The following MTAP variants were observed in gnomAD, a reference collection of about 807,000 sequenced individuals.
The protein encoded by MTAP is S-methyl-5'-thioadenosine phosphorylase.
MTAP carries 33 observed loss-of-function variants against 33.6 expected under a neutral mutation model. The ratio of observed to expected loss-of-function variants is 0.98; its 90% confidence interval spans 0.74 to 1.31. The LOEUF is 1.31. Ranked by LOEUF, MTAP falls within the 40% of genes most tolerant of loss-of-function variation. The pLI is 0.00. For synonymous variants in MTAP, 148 were observed against 125.7 expected (o/e 1.18, Z -1.19); for missense variants, 367 against 360.0 (o/e 1.02, Z -0.16).
chr9:21,810,169 A>G (rs954683426), intron 1 of MTAP, among the ~76,000 whole-genome samples: 1 of 152,198 alleles, frequency 6.6e-6, no homozygotes, highest in Non-Finnish European at 1.5e-5. Context: ...GGAGGTTAGA[A>G]GTCCAAGATC....
At chr9:21,933,390 T>G (rs1234146046), downstream of MTAP, 1 of 152,222 alleles carries the variant, frequency 6.6e-6, no homozygotes, top group East Asian at 1.9e-4. Flanking sequence ...CACCAGACAC[T>G]CTTAACCAAT....
chr9:21,816,259 C>T (rs1824472098), intron 2 of MTAP, among the ~76,000 whole-genome samples: 1 of 152,184 alleles, frequency 6.6e-6, no homozygotes, highest in South Asian at 2.1e-4. Flanking sequence ...GTCTTTCCAG[C>T]CTTTGTTACC....
At chr9:21,917,037 G>T (rs370029079) in intron 1 of MTAP, among the ~76,000 whole-genome samples, 3 of 152,330 alleles carry the variant, frequency 2.0e-5, no homozygotes, top group African/African-American at 7.2e-5. Flanking sequence ...TTTACCAAAG[G>T]ATTGAATGTA....
intron 4 of MTAP, among the ~76,000 whole-genome samples, chr9:21,820,287 A>G (rs922914583): frequency 6.6e-6 from 1 of 152,198 alleles, no homozygotes; most frequent in Non-Finnish European, 1.5e-5. Context: ...TCTAACATTT[A>G]AGTCTTTAAT....
chr9:21,805,912 C>T (rs1824196036), intron 1 of MTAP, among the ~76,000 whole-genome samples: 1 of 152,082 alleles, frequency 6.6e-6, no homozygotes, highest in Non-Finnish European at 1.5e-5. Context: ...AAGTGAAGAC[C>T]TGAGGAGAGA....
chr9:21,937,482 C>A lies in MTAP; in HGVS notation c.*6283C>A, dbSNP rs1481032158. The stretch of plus-strand genomic sequence containing the variant: ...TGAAAAATTTTCCTTTCCCTTGTAA[C>A]TAATCGGCCTACAAAATGAAGATTT... On this transcript the variant is annotated 3_prime_UTR_variant, in exon 8 of 8. Transcript: ENST00000580900. The A allele has an allele frequency of 2.0e-5, 3 of 152,126 alleles. No individual in the cohort carries two copies. The East Asian group carries it at 5.8e-4, about 29-fold the overall frequency. 9.4% of individuals were successfully genotyped at this position (152,126 alleles called of 1,614,324 possible).
chr9:21,909,222 T>A (rs1231722531), intron 1 of MTAP, among the ~76,000 whole-genome samples: 2 of 152,118 alleles, frequency 1.3e-5, no homozygotes, highest in Non-Finnish European at 2.9e-5. Context: ...TCCCTTCAGT[T>A]CTGAAGTATA....
Position 21,915,008 on chromosome 9 carries a change from C to T in MTAP, c.148-16000C>T, listed in dbSNP as rs1034178192. ...ATCAATACTTTGTTTTCTTTCCTTC[C>T]TTCCTTCCTTCCTTCCTTCCTTCCT... is the stretch of plus-strand genomic sequence containing the variant. On this transcript the variant is annotated intron_variant, in intron 1 of 1. Transcript: ENST00000577563. 8.4e-3 allele frequency among the ~76,000 whole-genome samples: 205 copies of T among 24,496 alleles called. 4 individuals carry two copies. The East Asian group carries it at 0.11, about 13-fold the overall frequency. 16.1% of individuals were successfully genotyped at this position (24,496 alleles called of 152,430 possible). A position where few individuals can be genotyped will look rare whatever the true frequency, so the allele number is the denominator to read the frequency against.
At chr9:21,890,258 C>T (rs890262022) in intron 1 of MTAP, among the ~76,000 whole-genome samples, 2 of 152,126 alleles carry the variant, frequency 1.3e-5, no homozygotes, top group South Asian at 2.1e-4. Context: ...CCAGTTCCCA[C>T]GCAGCCAGCA....
chr9:21,816,794 G>A (rs376568185), intron 3 of MTAP, 22 bp downstream of exon 3: 4 of 1,582,202 alleles, frequency 2.5e-6, no homozygotes, highest in Admixed American at 3.5e-5. Context: ...TAAGCTTTTT[G>A]GATGTTACTA....
downstream of MTAP, among the ~76,000 whole-genome samples, chr9:21,868,072 G>C (rs573375465): frequency 1.3e-5 from 2 of 152,240 alleles, no homozygotes; most frequent in African/African-American, 4.8e-5. Flanking sequence ...TTTCCAGAAA[G>C]GTTCTGGAAA....
chr9:21,807,896 AC>A (rs1824247793), intron 1 of MTAP, among the ~76,000 whole-genome samples: 1 of 152,234 alleles, frequency 6.6e-6, no homozygotes, highest in Admixed American at 6.5e-5. Context: ...CCCTATAGGT[AC>A]AGCTGAGGAA....
chr9:21,827,878 G>C (rs1824862497), intron 4 of MTAP, among the ~76,000 whole-genome samples: 1 of 152,190 alleles, frequency 6.6e-6, no homozygotes, highest in African/African-American at 2.4e-5. Context: ...GCTAAATAGA[G>C]TGGAATACAA....
intron 5 of MTAP, among the ~76,000 whole-genome samples, chr9:21,846,595 G>C (rs1189302770): frequency 6.6e-6 from 1 of 152,148 alleles, no homozygotes; most frequent in African/African-American, 2.4e-5. Flanking sequence ...AATAGATATT[G>C]GTGTAGATGT....
intron 1 of MTAP, among the ~76,000 whole-genome samples, chr9:21,891,073 A>G (rs1476514656): frequency 6.6e-6 from 1 of 152,176 alleles, no homozygotes; most frequent in African/African-American, 2.4e-5. Context: ...CATAATTGAA[A>G]GAAGGTTATC....
intron 1 of MTAP, among the ~76,000 whole-genome samples, chr9:21,904,655 CAG>C (rs1193094169): frequency 6.6e-6 from 1 of 152,072 alleles, no homozygotes; most frequent in Admixed American, 6.5e-5. Flanking sequence ...ACAGAGAAAA[CAG>C]GGCAAAAAGA....
intron 5 of MTAP, among the ~76,000 whole-genome samples, chr9:21,851,842 C>T (rs1211423553): frequency 6.6e-6 from 1 of 152,102 alleles, no homozygotes; most frequent in Non-Finnish European, 1.5e-5. Flanking sequence ...GCCTAGTCCC[C>T]CAGTCTACAT....
At chr9:21,902,980 T>C (rs1818416474) in intron 1 of MTAP, among the ~76,000 whole-genome samples, 2 of 152,222 alleles carry the variant, frequency 1.3e-5, no homozygotes, top group South Asian at 4.1e-4. Context: ...ATTTAAAAGG[T>C]AAATTGTAAA....
At chr9:21,855,064 A>C (rs1825606498) in intron 6 of MTAP, among the ~76,000 whole-genome samples, 194 bp downstream of exon 6, 1 of 152,226 alleles carries the variant, frequency 6.6e-6, no homozygotes, top group Non-Finnish European at 1.5e-5. Flanking sequence ...CTTTTACCCA[A>C]GGATCAGTAG....
Sources: gnomAD v4.1 joint callset for allele counts (sites outside exome capture counted in the v4.1 genomes callset) on GRCh38, gnomAD v4.1.1 for gene constraint, MANE v1.5 for transcripts, NCBI Gene and HGNC (gene_info 2026-07-23, HGNC 2026-07-21) for gene names.